Variants in TRPM5 observed in about 807,000 individuals in gnomAD.
The protein encoded by TRPM5 is transient receptor potential cation channel subfamily M member 5.
Under a neutral mutation model 124.9 loss-of-function variants are expected in TRPM5, and 121 were observed. The ratio of observed to expected loss-of-function variants is 0.97; its 90% confidence interval spans 0.84 to 1.13. The LOEUF (loss-of-function observed/expected upper bound fraction) is 1.13, where lower values mean the gene tolerates loss of function less well. TRPM5 is among the 50% of genes most tolerant of loss of function. The probability of loss-of-function intolerance (pLI) is 0.00; values close to 1 mark genes in which losing one functional copy is unlikely to be tolerated. For synonymous variants in TRPM5, 781 were observed against 700.5 expected (o/e 1.11, Z -1.81); for missense variants, 1,643 against 1,589.1 (o/e 1.03, Z -0.58).
Position 2,415,122 on chromosome 11 carries a change from G to A in TRPM5, c.1478C>T (p.Ala493Val), listed in dbSNP as rs1299006706. ...CATCCCCACGGAGCCCCCGCTCACCGCCCTCCTGCGGTCCCCTGGCCGGCC... is the reference window on the plus strand; with the variant it reads ...CATCCCCACGGAGCCCCCGCTCACCACCCTCCTGCGGTCCCCTGGCCGGCC... Residue 493 changes from alanine (A) to valine (V), a missense_variant and splice_region_variant, in exon 9 of 24, where the codon GCG becomes GTG. Transcript: ENST00000155858. The A allele has an allele frequency of 1.0e-5, 16 of 1,567,140 alleles. No homozygotes were observed. In the Admixed American group the frequency reaches 2.0e-4, roughly 19 times the overall value.
chr11:2,434,701 CTGTG>C, the TRPM5 span, among the ~76,000 whole-genome samples: 1 of 149,426 alleles, frequency 6.7e-6, no homozygotes, highest in Non-Finnish European at 1.5e-5. Context: ...GTGTGTGTGT[CTGTG>C]TGTCTGTGTG....
At chr11:2,407,933 G>C (rs1171703102) in intron 18 of TRPM5, 21 bp from the exon 24 acceptor site, 1 of 1,611,406 alleles carries the variant, frequency 6.2e-7, no homozygotes, top group Non-Finnish European at 8.5e-7. Context: ...AGGGTGCTGT[G>C]GGGACCAGAC....
exon 17 of TRPM5, chr11:2,411,648 A>G (rs1850454349): frequency 6.2e-7 from 1 of 1,612,684 alleles, no homozygotes; most frequent in East Asian, 2.2e-5. Context: ...GCGCTCTACC[A>G]CGATGATCTT....
chr11:2,415,956 G>T, exon 8 of TRPM5: 1 of 1,581,850 alleles, frequency 6.3e-7, no homozygotes, highest in Non-Finnish European at 8.6e-7. Context: ...ATGTCCACGC[G>T]GTCCCAGGCC....
In TRPM5 at chr11:2,405,229, G is replaced by C. The variant is rs577160180; in HGVS notation, c.3392-186C>G. ...GCCTCTGCCTGCACTCCTGGGACTA[G>C]GAAAGCAGCCCCCTTGAGGCCGAGG... On this transcript the variant is annotated intron_variant, in intron 23 of 23. Transcript: ENST00000155858. Among the ~76,000 whole-genome samples the C allele has an allele frequency of 2.6e-5, 4 of 152,366 alleles. No homozygotes were observed. The South Asian group carries it at 8.3e-4, about 32-fold the overall frequency.
rs1322504469 is a variant in TRPM5 at position 2,414,672 on chromosome 11, C to T, written c.1744+43G>A. ...CCTTCGTCCGACCCCTCCGTCACAT[C>T]CTCCCCCGCGCGCGGGCCCGGCCCC... On this transcript the variant is annotated intron_variant, in intron 11 of 23. Coordinates refer to ENST00000155858, the Ensembl canonical transcript of TRPM5. The T allele has an allele frequency of 4.8e-6, 7 of 1,463,266 alleles. No homozygotes were observed. The South Asian group carries it at 7.6e-5, about 16-fold the overall frequency. 90.6% of individuals were successfully genotyped at this position (1,463,266 alleles called of 1,614,324 possible). A position where few individuals can be genotyped will look rare whatever the true frequency, so the allele number is the denominator to read the frequency against.
Position 2,414,889 on chromosome 11 carries a change from C to T in TRPM5, c.1620+18G>A, listed in dbSNP as rs1316274984. ...GCCCCTCCCCTGCCCCCGCGCTGGG[C>T]CCGCGGCCTGGGCTCACCATGGCCC... On this transcript the variant is annotated intron_variant, in intron 10 of 23. Transcript: ENST00000155858. The T allele has an allele frequency of 6.9e-6, 11 of 1,597,740 alleles. No homozygotes were observed. The highest frequency in any genetic ancestry group is 9.4e-6 in the Non-Finnish European group (11 of 1,173,644).
chr11:2,419,759 G>A (rs757091), intron 4 of TRPM5, among the ~76,000 whole-genome samples: 64,416 of 152,132 alleles, frequency 0.42, 14,071 homozygotes, highest in East Asian at 0.62. Context: ...ACACACTAGC[G>A]TTTTCTTAGT....
chr11:2,414,342 C>T, intron 11 of TRPM5, 136 bp from the exon 17 acceptor site: 3 of 1,288,234 alleles, frequency 2.3e-6, no homozygotes, highest in Middle Eastern at 2.7e-4. Flanking sequence ...CCAGCCAGGC[C>T]TTCTGCCCCC....
At chr11:2,427,318 T>C (rs1478740190), upstream of TRPM5, among the ~76,000 whole-genome samples, 2 of 152,206 alleles carry the variant, frequency 1.3e-5, no homozygotes, top group East Asian at 3.8e-4. Context: ...TGAGGGTCCC[T>C]ACCTGTCTGC....
chr11:2,406,520 G>GC, intron 21 of TRPM5, 141 bp downstream of exon 26: 1 of 1,171,710 alleles, frequency 8.5e-7, no homozygotes, highest in Non-Finnish European at 1.2e-6. Context: ...GGAAAGCTAG[G>GC]CCCCTGGGCT....
chr11:2,418,735 G>A, intron 4 of TRPM5, 144 bp from the exon 10 acceptor site: 1 of 799,810 alleles, frequency 1.3e-6, no homozygotes. Context: ...ACGTGACACA[G>A]GCTGCTTATT....
In TRPM5 at chr11:2,414,931, CT is replaced by C; in HGVS notation, c.1595del (p.Glu532GlyfsTer102). 6.2e-7 allele frequency: 1 copy of C among 1,605,860 alleles called. No individual in the cohort carries two copies. The highest frequency in any genetic ancestry group is 8.5e-7 in the Non-Finnish European group (1 of 1,177,480). On this transcript the variant is annotated frameshift_variant, in exon 10 of 24. Transcript: ENST00000155858. LOFTEE classifies it high-confidence loss of function. ...CCATGGCCCAGAAGTAGGTGGCCAT[CT>C]CGTGGCGGTTCTGCAGCACGGCCCA... is the stretch of plus-strand genomic sequence containing the variant.
At chr11:2,419,521 CAGG>C (rs1845735557) in intron 4 of TRPM5, among the ~76,000 whole-genome samples, 1 of 149,530 alleles carries the variant, frequency 6.7e-6, no homozygotes, top group African/African-American at 2.5e-5. Context: ...GAGGCTGAGG[CAGG>C]AGAATTGTTG....
At chr11:2,418,573 A>C (rs1450670749) in exon 5 of TRPM5, 2 of 1,611,648 alleles carry the variant, frequency 1.2e-6, no homozygotes, top group Admixed American at 1.7e-5. Flanking sequence ...GAGGACAGGG[A>C]TCTCGATGCT....
chr11:2,424,212 C>T (rs1021090412), upstream of TRPM5, among the ~76,000 whole-genome samples: 2 of 152,246 alleles, frequency 1.3e-5, no homozygotes, highest in East Asian at 3.8e-4. Flanking sequence ...GACAATGGAC[C>T]GTTCTGTAAA....
the TRPM5 span, among the ~76,000 whole-genome samples, chr11:2,428,371 C>A: frequency 6.6e-6 from 1 of 152,200 alleles, no homozygotes; most frequent in South Asian, 2.1e-4. This position sits in a 1 kb window ranked among gnomAD's most constrained non-coding sequence, Gnocchi z 4.0. Context: ...TCTAGTCTGG[C>A]CTGTCAGCCA....
At chr11:2,432,598 G>T in the TRPM5 span, among the ~76,000 whole-genome samples, 1 of 152,230 alleles carries the variant, frequency 6.6e-6, no homozygotes, top group Non-Finnish European at 1.5e-5. Flanking sequence ...GCTGCAGGCT[G>T]GCTCCCCACC....
At chr11:2,434,259 G>A in the TRPM5 span, among the ~76,000 whole-genome samples, 1 of 151,876 alleles carries the variant, frequency 6.6e-6, no homozygotes, top group East Asian at 1.9e-4. Context: ...GACACTGTGT[G>A]TGCGTCTGTG....
Sources: allele counts gnomAD v4.1 joint callset (sites outside exome capture counted in the v4.1 genomes callset), GRCh38; gene constraint gnomAD v4.1.1; non-coding constraint Gnocchi (gnomAD v3.1); transcripts MANE v1.5; gene names NCBI Gene and HGNC (gene_info 2026-07-23, HGNC 2026-07-21).